Variants in APLF observed in about 807,000 individuals in gnomAD.
The protein encoded by APLF is aprataxin and PNK-like factor.
Under a neutral mutation model 55.6 loss-of-function variants are expected in APLF, and 61 were observed. The ratio of observed to expected loss-of-function variants is 1.10; its 90% CI spans 0.89 to 1.36. The LOEUF is 1.36. Among genes scored for constraint, APLF ranks in the 40% most tolerant of loss-of-function variants. The pLI, the probability that APLF is intolerant of heterozygous loss-of-function variation, is 0.00. For missense variants in APLF, 611 were observed against 602.5 expected (o/e 1.01, Z -0.15); for synonymous variants, 207 against 214.8 (o/e 0.96, Z 0.32).
In APLF at chr2:68,529,249, G is replaced by C; in HGVS notation, c.804+3007G>C. 2.3e-6 allele frequency: 3 copies of C among 1,279,236 alleles called. No individual in the cohort carries two copies. Among genetic ancestry groups the C allele is most frequent in the Non-Finnish European group, 3.1e-6 (3 of 962,238 alleles). The allele number at this position is 1,279,236 out of a possible 1,614,324, so 79.2% of individuals were successfully genotyped here. A position where few individuals can be genotyped will look rare whatever the true frequency, so the allele number is the denominator to read the frequency against. On this transcript the variant is annotated intron_variant, in intron 6 of 9. Coordinates refer to ENST00000303795, the MANE Select transcript of APLF (RefSeq NM_173545.3). This position sits in a 1 kb window ranked among gnomAD's most constrained non-coding sequence, Gnocchi z 4.4. The stretch of plus-strand genomic sequence containing the variant: ...TAAGACACAGCCTCATAAGGGTGCC[G>C]TCCCACCTGCCTGGAAAAGAAGGCC...
intron 1 of APLF, among the ~76,000 whole-genome samples, chr2:68,484,343 A>G (rs1462616630): frequency 6.6e-6 from 1 of 152,124 alleles, no homozygotes; most frequent in Non-Finnish European, 1.5e-5. Flanking sequence ...TATCACTACA[A>G]AAGTGGTATA....
At chr2:68,558,886 G>A (rs181143036) in intron 8 of APLF, among the ~76,000 whole-genome samples, 559 of 152,202 alleles carry the variant, frequency 3.7e-3, no homozygotes, top group Non-Finnish European at 6.3e-3. Flanking sequence ...CCACTTGTAA[G>A]TGAGAACATA....
At position 68,495,822 on chromosome 2, in the gene APLF, G is replaced by A. The variant is rs75892719; in HGVS notation, c.168+5561G>A. ...TCTGTGTACCCACAGGCTTAACACC[G>A]TGTGAGAGCTGTCAAGGCTTATGGC... On this transcript the variant is annotated intron_variant, in intron 2 of 9. Coordinates refer to ENST00000303795, the MANE Select transcript of APLF (RefSeq NM_173545.3). Among the ~76,000 whole-genome samples, 413 of 152,346 alleles carry A rather than the reference G, an allele frequency of 2.7e-3. 1 individual carries two copies. Among genetic ancestry groups the A allele is most frequent in the East Asian group, 0.017 (89 of 5,180 alleles).
intron 3 of APLF, among the ~76,000 whole-genome samples, chr2:68,512,384 C>T (rs866016801): frequency 6.6e-6 from 1 of 151,760 alleles, no homozygotes; most frequent in Non-Finnish European, 1.5e-5. Context: ...TAGTTCATTC[C>T]TTGTTATTTC....
chr2:68,504,117 A>G (rs1465393504), intron 3 of APLF, among the ~76,000 whole-genome samples: 1 of 151,994 alleles, frequency 6.6e-6, no homozygotes, highest in African/African-American at 2.4e-5. Context: ...TTAAAAAACA[A>G]AACTGATGCA....
In APLF at chr2:68,526,075, G is replaced by A. The variant is rs542229761; in HGVS notation, c.637G>A (p.Gly213Arg). ...PAISGGNVIQ[G>R]SGKEEICKDK... ...ATGTGTTTAAGGTAATGTAATCCAGGGAAGTGGAAAAGAAGAAATCTGCAA... is the reference window on the plus strand; with the variant it reads ...ATGTGTTTAAGGTAATGTAATCCAGAGAAGTGGAAAAGAAGAAATCTGCAA... Residue 213 changes from glycine to arginine, a missense_variant, in exon 6 of 10, where the codon GGA (glycine) becomes AGA (arginine). Transcript: ENST00000303795. 1.9e-6 allele frequency: 3 copies of A among 1,612,656 alleles called. No individual in the cohort carries two copies. The South Asian group carries it at 3.3e-5, about 18-fold the overall frequency.
At chr2:68,573,389 C>G (rs1014057989) in intron 9 of APLF, among the ~76,000 whole-genome samples, 2 of 152,032 alleles carry the variant, frequency 1.3e-5, no homozygotes, top group Non-Finnish European at 2.9e-5. Context: ...AAAGTAATTT[C>G]CGGCCAGGCA....
chr2:68,565,514 G>GATAGATAGATAGATAGATAGATAC (rs60590885), intron 8 of APLF, among the ~76,000 whole-genome samples: 2 of 148,922 alleles, frequency 1.3e-5, no homozygotes, highest in African/African-American at 5.0e-5. Flanking sequence ...TAGACAGATA[G>GATAGATAGATAGATAGATAGATAC]ATACATACAT....
chr2:68,562,054 C>G (rs1671182472), intron 8 of APLF, among the ~76,000 whole-genome samples: 2 of 151,916 alleles, frequency 1.3e-5, no homozygotes, highest in African/African-American at 4.8e-5. Flanking sequence ...GAATACAATT[C>G]AGCCTTAGAA....
At chr2:68,537,543 A>G (rs1670427221) in intron 6 of APLF, among the ~76,000 whole-genome samples, 1 of 151,582 alleles carries the variant, frequency 6.6e-6, no homozygotes, top group Admixed American at 6.6e-5. Flanking sequence ...AATTTTTTGT[A>G]TTTTTTAGTA....
chr2:68,538,295 T>C, intron 7 of APLF, 68 bp downstream of exon 7: 1 of 1,377,708 alleles, frequency 7.3e-7, no homozygotes, highest in Non-Finnish European at 9.8e-7. Context: ...AGATACATGC[T>C]ACAGTATATT....
chr2:68,528,405 T>C, intron 6 of APLF: 1 of 1,534,416 alleles, frequency 6.5e-7, no homozygotes, highest in Non-Finnish European at 8.7e-7. Flanking sequence ...CATGGAAGCT[T>C]AGCCGGTGGG....
intron 3 of APLF, among the ~76,000 whole-genome samples, 154 bp from the exon 4 acceptor site, chr2:68,512,922 TAAAG>T (rs1047446986): frequency 4.6e-5 from 7 of 151,868 alleles, no homozygotes; most frequent in African/African-American, 1.7e-4. Context: ...AGGTAGGAAA[TAAAG>T]AACATATTCT....
intron 8 of APLF, among the ~76,000 whole-genome samples, chr2:68,559,490 A>AT (rs1391463175): frequency 2.0e-5 from 3 of 152,090 alleles, no homozygotes; most frequent in African/African-American, 7.2e-5. Flanking sequence ...AGAACTCTTG[A>AT]TTTTTATCAT....
At chr2:68,496,701 A>G (rs1037616646) in intron 2 of APLF, among the ~76,000 whole-genome samples, 3 of 152,146 alleles carry the variant, frequency 2.0e-5, no homozygotes, top group African/African-American at 4.8e-5. Context: ...TCAGACTTCC[A>G]TAGATCCCTA....
rs1172796756 is a variant in APLF, at chr2:68,502,747, G to T, written c.185G>T (p.Cys62Phe). ...ATTTGTTAGATACACACAAATCCAT[G>T]TTTTTACCAGTCTTCAGAGAAGAGT... ...LRIKPIHTNP[C>F]FYQSSEKSQL... The change falls in exon 3 of 10, where the codon TGT becomes TTT. Residue 62 changes from cysteine (C) to phenylalanine (F), a missense_variant. Transcript: ENST00000303795. The T allele has an allele frequency of 3.3e-6, 5 of 1,531,870 alleles. No individual in the cohort carries two copies. Among genetic ancestry groups the T allele is most frequent in the Non-Finnish European group, 2.6e-6 (3 of 1,148,250 alleles). The allele number at this position is 1,531,870 out of a possible 1,614,324, so 94.9% of individuals were successfully genotyped here.
intron 8 of APLF, among the ~76,000 whole-genome samples, chr2:68,546,502 T>C (rs1670710004): frequency 6.6e-6 from 1 of 151,840 alleles, no homozygotes. Context: ...TTGAACATAG[T>C]TGTAAATATC....
Position 68,579,354 on chromosome 2 carries a change from G to A in APLF, c.*1332G>A. On this transcript the variant is annotated 3_prime_UTR_variant, in exon 10 of 10. Transcript: ENST00000303795. ...TTATAATGTCCCTTTAGCCTTGGTA[G>A]TATAACAAATCTACGAATGTAATAT... 1.0e-6 allele frequency: 1 copy of A among 974,970 alleles called. No homozygotes were observed. Among genetic ancestry groups the A allele is most frequent in the Non-Finnish European group, 1.2e-6 (1 of 820,512 alleles). 60.4% of individuals were successfully genotyped at this position (974,970 alleles called of 1,614,324 possible).
chr2:68,564,631 T>C (rs2104061992), intron 8 of APLF, among the ~76,000 whole-genome samples: 1 of 152,216 alleles, frequency 6.6e-6, no homozygotes, highest in South Asian at 2.1e-4. Context: ...CAGCTTCTTG[T>C]GAGTATGGGT....
Sources: allele counts gnomAD v4.1 joint callset (sites outside exome capture counted in the v4.1 genomes callset), GRCh38; gene constraint gnomAD v4.1.1; non-coding constraint Gnocchi (gnomAD v3.1); transcripts MANE v1.5; gene names NCBI Gene and HGNC (gene_info 2026-07-23, HGNC 2026-07-21).